Variants in ROBO2 observed in about 807,000 individuals in gnomAD.
The protein encoded by ROBO2 is roundabout guidance receptor 2.
Under a neutral mutation model 160.8 loss-of-function variants are expected in ROBO2, and 53 were observed. The ratio of observed to expected loss-of-function variants is 0.33; its 90% CI spans 0.26 to 0.41. The LOEUF (loss-of-function observed/expected upper bound fraction) is 0.41. Among genes scored for constraint, ROBO2 ranks in the 10% least tolerant of loss-of-function variants. The pLI is 1.00. For synonymous variants in ROBO2, 664 were observed against 611.7 expected (o/e 1.09, Z -1.26); for missense variants, 1,577 against 1,722.4 (o/e 0.92, Z 1.49).
chr3:77,067,972 A>C (rs541292132), intron 1 of ROBO2, among the ~76,000 whole-genome samples: 196 of 152,290 alleles, frequency 1.3e-3, no homozygotes, highest in Admixed American at 3.8e-3. Flanking sequence ...CATAAACATC[A>C]GTTCTAAATC....
chr3:76,603,343 A>ATAT (rs1393508482), intron 2 of ROBO2, among the ~76,000 whole-genome samples: 131 of 75,290 alleles, frequency 1.7e-3, no homozygotes, highest in Non-Finnish European at 2.5e-3. Context: ...AAAAAAAAAA[A>ATAT]AAAAAAAAAT....
chr3:77,080,034 T>A lies in ROBO2; in HGVS notation c.62-17980T>A, dbSNP rs150868417. Among the ~76,000 whole-genome samples the A allele has an allele frequency of 4.6e-5, 7 of 152,322 alleles. No individual in the cohort carries two copies. In the East Asian group the frequency reaches 1.3e-3, roughly 29 times the overall value. ...CGTGTTTGTGAACTGAAACAAAAGA[T>A]AGATTGAATTGTAAAGCTCTCTTGA... On this transcript the variant is annotated intron_variant, in intron 1 of 25. Transcript: ENST00000461745.
At chr3:76,937,127 G>A (rs1182799388) in intron 2 of ROBO2, among the ~76,000 whole-genome samples, 1 of 152,116 alleles carries the variant, frequency 6.6e-6, no homozygotes, top group Admixed American at 6.6e-5. Context: ...TGAGAGATGA[G>A]CTACTTTTGT....
chr3:76,162,538 C>G (rs1577106976), intron 2 of ROBO2, among the ~76,000 whole-genome samples: 4 of 152,132 alleles, frequency 2.6e-5, no homozygotes, highest in African/African-American at 9.7e-5. Context: ...ATATCCAACT[C>G]TTTGCCATGA....
intron 2 of ROBO2, among the ~76,000 whole-genome samples, chr3:77,394,964 C>A (rs951481070): frequency 1.3e-5 from 2 of 152,106 alleles, no homozygotes; most frequent in African/African-American, 4.8e-5. Context: ...CCTAAATAGG[C>A]CCAGTATTTC....
intron 2 of ROBO2, among the ~76,000 whole-genome samples, chr3:77,104,165 T>C (rs1579005665): frequency 6.6e-6 from 1 of 152,136 alleles, no homozygotes; most frequent in Admixed American, 6.5e-5. Context: ...ATTTAGAACA[T>C]TTTCCTCAAT....
At chr3:75,948,326 G>A (rs78286506) in intron 2 of ROBO2, among the ~76,000 whole-genome samples, 2 of 152,086 alleles carry the variant, frequency 1.3e-5, no homozygotes, top group African/African-American at 4.8e-5. Flanking sequence ...TTTAAAAAGT[G>A]TAGAGTAGGG....
chr3:76,707,883 T>C (rs1190671503), intron 2 of ROBO2, among the ~76,000 whole-genome samples: 2 of 151,916 alleles, frequency 1.3e-5, no homozygotes, highest in Admixed American at 6.6e-5. Flanking sequence ...AGGATTTGTG[T>C]ACCACAGAAA....
At chr3:77,620,222 G>C (rs2094872254) in intron 22 of ROBO2, among the ~76,000 whole-genome samples, 1 of 152,046 alleles carries the variant, frequency 6.6e-6, no homozygotes, top group Non-Finnish European at 1.5e-5. Context: ...CACCATCTGG[G>C]TAGCACATCA....
intron 2 of ROBO2, among the ~76,000 whole-genome samples, chr3:76,036,275 A>T (rs1269909324): frequency 2.0e-5 from 3 of 147,646 alleles, no homozygotes; most frequent in South Asian, 4.3e-4. Flanking sequence ...TCAACCTCCC[A>T]AGTAGCTGGG....
At chr3:76,475,942 C>G (rs1417677270) in intron 2 of ROBO2, among the ~76,000 whole-genome samples, 1 of 152,092 alleles carries the variant, frequency 6.6e-6, no homozygotes, top group Non-Finnish European at 1.5e-5. Flanking sequence ...CACTTGAGGT[C>G]AGGAGTTCAA....
intron 2 of ROBO2, among the ~76,000 whole-genome samples, chr3:76,209,977 A>C (rs1703041518): frequency 6.6e-6 from 1 of 152,134 alleles, no homozygotes; most frequent in Non-Finnish European, 1.5e-5. Flanking sequence ...AAAGAAAAAA[A>C]CATTCAGGCC....
chr3:76,220,020 C>G (rs1703853583), intron 2 of ROBO2, among the ~76,000 whole-genome samples: 3 of 152,090 alleles, frequency 2.0e-5, no homozygotes, highest in Middle Eastern at 3.4e-3. Flanking sequence ...AGTTCATGTC[C>G]TTTGTAGGGA....
chr3:76,033,075 A>G, intron 2 of ROBO2, among the ~76,000 whole-genome samples: 1 of 145,822 alleles, frequency 6.9e-6, no homozygotes, highest in African/African-American at 2.6e-5. Context: ...TAGTACTTCC[A>G]AAACATCGTA....
intron 2 of ROBO2, among the ~76,000 whole-genome samples, chr3:76,020,295 A>G (rs557003445): frequency 6.9e-4 from 105 of 151,816 alleles, no homozygotes; most frequent in African/African-American, 2.3e-3. Flanking sequence ...TCGATAGTAT[A>G]ATCCTGGATC....
chr3:76,316,841 G>T (rs1010247318), intron 2 of ROBO2, among the ~76,000 whole-genome samples: 1 of 152,094 alleles, frequency 6.6e-6, no homozygotes, highest in Non-Finnish European at 1.5e-5. Context: ...TTCCTCGGCC[G>T]CGGCTCCAGC....
At chr3:77,156,120 T>C (rs1035555207) in intron 2 of ROBO2, among the ~76,000 whole-genome samples, 1 of 151,996 alleles carries the variant, frequency 6.6e-6, no homozygotes, top group Admixed American at 6.6e-5. Flanking sequence ...AATTTCTTCA[T>C]CTCAACATCA....
intron 2 of ROBO2, among the ~76,000 whole-genome samples, chr3:76,308,941 A>G (rs183282241): frequency 1.7e-4 from 26 of 152,344 alleles, no homozygotes; most frequent in Non-Finnish European, 2.9e-4. Flanking sequence ...TTTTCTTAGT[A>G]ACCTTGTTCC....
intron 2 of ROBO2, among the ~76,000 whole-genome samples, chr3:77,238,048 G>T (rs150612960): frequency 3.3e-5 from 5 of 151,688 alleles, no homozygotes; most frequent in Admixed American, 2.6e-4. Context: ...TTGATAAGAT[G>T]TTTGTGAAAG....
Sources: allele counts gnomAD v4.1 joint callset (sites outside exome capture counted in the v4.1 genomes callset), GRCh38; gene constraint gnomAD v4.1.1; transcripts MANE v1.5; gene names NCBI Gene and HGNC (gene_info 2026-07-23, HGNC 2026-07-21).